The following PAX6 variants were observed in gnomAD, a reference collection of about 807,000 sequenced individuals.
The protein encoded by PAX6 is paired box 6.
PAX6 carries 7 observed loss-of-function variants against 60.7 expected under a neutral mutation model. That is an observed-to-expected ratio of 0.12 (90% CI 0.07 to 0.22). The LOEUF (loss-of-function observed/expected upper bound fraction) is 0.22, where lower values mean the gene tolerates loss of function less well. Ranked by LOEUF, PAX6 falls within the 10% of genes least tolerant of loss-of-function variation. PAX6 has a pLI of 1.00. For synonymous variants in PAX6, 208 were observed against 201.2 expected (o/e 1.03, Z -0.29); for missense variants, 355 against 555.2 (o/e 0.64, Z 3.62).
At chr11:31,790,260 GAA>G (rs35644855) in intron 13 of PAX6, 63 of 484,418 alleles carry the variant, frequency 1.3e-4, no homozygotes, top group South Asian at 6.8e-4. Flanking sequence ...CAAAGGAAAA[GAA>G]AAAAAAAATC....
At chr11:31,816,413 G>C in intron 1 of PAX6, 2 of 620,324 alleles carry the variant, frequency 3.2e-6, no homozygotes, top group South Asian at 3.7e-5. Flanking sequence ...CCCTGGGCGC[G>C]GAGCGAGGAC....
intron 1 of PAX6, among the ~76,000 whole-genome samples, chr11:31,817,159 A>T (rs1957419930): frequency 6.6e-6 from 1 of 152,258 alleles, no homozygotes; most frequent in Non-Finnish European, 1.5e-5. Context: ...GTTCTAGCTC[A>T]GTGAGAATCG....
chr11:31,795,024 T>C (rs184104052), intron 8 of PAX6, among the ~76,000 whole-genome samples: 2 of 152,358 alleles, frequency 1.3e-5, no homozygotes, highest in East Asian at 3.8e-4. Flanking sequence ...CTAAGTGGCA[T>C]TTCTTGAATG....
At chr11:31,797,815 A>G (rs1454636120) in intron 8 of PAX6, among the ~76,000 whole-genome samples, 1 of 152,126 alleles carries the variant, frequency 6.6e-6, no homozygotes, top group African/African-American at 2.4e-5. Flanking sequence ...GACAATTAAG[A>G]TATCTTCTTC....
intron 4 of PAX6, 198 bp from the exon 5 acceptor site, chr11:31,803,032 C>T: frequency 1.5e-6 from 1 of 646,238 alleles, no homozygotes; most frequent in Non-Finnish European, 2.8e-6. Flanking sequence ...GTGCCAACCT[C>T]GGCGGTCAGT....
chr11:31,813,389 C>T (rs376157195), upstream of PAX6, among the ~76,000 whole-genome samples: 5 of 44,186 alleles, frequency 1.1e-4, no homozygotes, highest in Admixed American at 6.0e-4. Context: ...TGCGGGGGGG[C>T]GGGGGGGGGG....
At chr11:31,816,041 G>T (rs949216824), upstream of PAX6, among the ~76,000 whole-genome samples, 1 of 152,200 alleles carries the variant, frequency 6.6e-6, no homozygotes, top group Admixed American at 6.5e-5. Flanking sequence ...CACCACCCAG[G>T]CTGGCAGCCC....
chr11:31,806,305 C>T, intron 4 of PAX6, 97 bp downstream of exon 4: 1 of 1,437,810 alleles, frequency 7.0e-7, no homozygotes, highest in Non-Finnish European at 9.5e-7. Flanking sequence ...GGTCGGCGGC[C>T]GGGCCAGCGC....
At position 31,793,461 on chromosome 11, in the gene PAX6, T is replaced by C. The variant is rs756940209; in HGVS notation, c.1051A>G (p.Met351Val). ...ACTTGCATAGGCAGGTTATTTGCCA[T>C]GGTGAAGCTGGGCATAGGCGGCAGA... ...SALPPMPSFT[M>V]ANNLPMQPPV... Residue 351 changes from methionine (M) to valine (V), a missense_variant, in exon 12 of 14, where the codon ATG becomes GTG. Around this residue, in one of 5 missense-constraint regions of PAX6, gnomAD observed 149 missense variants for 191.9 expected, o/e 0.78. Coordinates refer to ENST00000640368, the MANE Select transcript of PAX6 (RefSeq NM_001368894.2). The C allele has an allele frequency of 2.5e-6, 4 of 1,614,088 alleles. No homozygotes were observed. The highest frequency in any genetic ancestry group is 3.4e-6 in the Non-Finnish European group (4 of 1,180,028).
intron 12 of PAX6, chr11:31,792,082 T>A (rs974385519): frequency 3.3e-5 from 5 of 152,246 alleles, no homozygotes; most frequent in Admixed American, 6.5e-5. Flanking sequence ...AACCTGGATG[T>A]TGTTATAATA....
At chr11:31,816,272 A>G (rs1592675348), upstream of PAX6, 4 of 345,358 alleles carry the variant, frequency 1.2e-5, no homozygotes, top group East Asian at 2.0e-4. Context: ...CCCTGGGGAA[A>G]TCTGAATAGT....
In PAX6 at chr11:31,789,578, A is replaced by C; in HGVS notation, c.*356T>G. 3.8e-6 allele frequency: 1 copy of C among 261,444 alleles called. No homozygotes were observed. Among genetic ancestry groups the C allele is most frequent in the Non-Finnish European group, 7.2e-6 (1 of 139,586 alleles). 16.2% of individuals were successfully genotyped at this position (261,444 alleles called of 1,614,324 possible). ...GCTTGTTGATCATGGTTTTCTTTTT[A>C]AAAAAAAAAAAAACAACTTCATGAC... is the stretch of plus-strand genomic sequence containing the variant. On this transcript the variant is annotated 3_prime_UTR_variant, in exon 14 of 14. Coordinates refer to ENST00000640368, the MANE Select transcript of PAX6 (RefSeq NM_001368894.2).
chr11:31,798,043 T>C lies in PAX6; in HGVS notation c.565+2648A>G, dbSNP rs533010741. On this transcript the variant is annotated intron_variant, in intron 8 of 13. Transcript: ENST00000640368. ...GTTGCTGGGAAATAAAATCATTCCTTAGTTTCTTAGTGTCTTAATCAGTGA... is the reference window on the plus strand; with the variant it reads ...GTTGCTGGGAAATAAAATCATTCCTCAGTTTCTTAGTGTCTTAATCAGTGA... Among the ~76,000 whole-genome samples, 97 of 152,042 alleles carry C rather than the reference T, an allele frequency of 6.4e-4. 1 individual carries two copies. The highest frequency in any genetic ancestry group is 3.2e-4 in the Non-Finnish European group (22 of 67,980).
intron 2 of PAX6, 49 bp downstream of exon 2, chr11:31,810,779 G>C (rs1956912246): frequency 2.5e-6 from 1 of 398,878 alleles, no homozygotes; most frequent in Non-Finnish European, 4.4e-6. Context: ...GGGGAGACCT[G>C]TCTGAATATT....
intron 4 of PAX6, 82 bp downstream of exon 4, chr11:31,806,320 G>A (rs1280927610): frequency 4.0e-6 from 6 of 1,509,098 alleles, no homozygotes; most frequent in Admixed American, 3.8e-5. Context: ...CAGCGCGGGC[G>A]TCGCGAGTCC....
chr11:31,795,562 A>G (rs1951217571), intron 8 of PAX6, among the ~76,000 whole-genome samples: 1 of 152,276 alleles, frequency 6.6e-6, no homozygotes, highest in African/African-American at 2.4e-5. Context: ...GTAATTTTAA[A>G]AAAGAAATAG....
intron 4 of PAX6, chr11:31,804,182 T>G (rs752627525): frequency 6.6e-6 from 1 of 152,258 alleles, no homozygotes; most frequent in Non-Finnish European, 1.5e-5. Context: ...TTGAGCTTAA[T>G]TTCTGGAAAT....
chr11:31,795,876 A>T lies in PAX6; in HGVS notation c.566-1088T>A, dbSNP rs574351817. ...GTCCTGGGTCTGGGGTCCTGAAATG[A>T]CCCCCAAGGGATACCAGCATGGGCT... On this transcript the variant is annotated intron_variant, in intron 8 of 13. Transcript: ENST00000640368. 6.6e-5 allele frequency among the ~76,000 whole-genome samples: 10 copies of T among 152,112 alleles called. No homozygotes were observed. In the South Asian group the frequency reaches 1.7e-3, roughly 25 times the overall value.
At chr11:31,817,073 G>T (rs1957416363) in intron 1 of PAX6, among the ~76,000 whole-genome samples, 1 of 152,248 alleles carries the variant, frequency 6.6e-6, no homozygotes, top group East Asian at 1.9e-4. Context: ...CCCGGGCTTG[G>T]CGGCCCGGCT....
Sources: gnomAD v4.1 joint callset for allele counts (sites outside exome capture counted in the v4.1 genomes callset) on GRCh38, gnomAD v4.1.1 for gene constraint, gnomAD v4.1.1 regional missense constraint, MANE v1.5 for transcripts, NCBI Gene and HGNC (gene_info 2026-07-23, HGNC 2026-07-21) for gene names.